Variants in CFAP61 observed in about 807,000 individuals in gnomAD.
The protein encoded by CFAP61 is cilia- and flagella-associated protein 61.
CFAP61 carries 107 observed loss-of-function variants against 135.6 expected under a neutral mutation model. That is an observed-to-expected ratio of 0.79 (90% CI 0.67 to 0.93). The LOEUF (loss-of-function observed/expected upper bound fraction) is 0.93. CFAP61 is among the 40% of genes least tolerant of loss of function. CFAP61 has a pLI of 0.00. For synonymous variants in CFAP61, 575 were observed against 578.5 expected (o/e 0.99, Z 0.09); for missense variants, 1,507 against 1,556.2 (o/e 0.97, Z 0.53).
At chr20:20,134,777 T>C (rs1208789744) in intron 8 of CFAP61, among the ~76,000 whole-genome samples, 1 of 152,122 alleles carries the variant, frequency 6.6e-6, no homozygotes, top group South Asian at 2.1e-4. Context: ...TAAGAGTGAA[T>C]GGATTATTTG....
At chr20:20,350,822 T>G (rs2058809388) in intron 26 of CFAP61, among the ~76,000 whole-genome samples, 1 of 152,180 alleles carries the variant, frequency 6.6e-6, no homozygotes. Flanking sequence ...TGAAGAGAAA[T>G]GAGGTACTGA....
intron 25 of CFAP61, among the ~76,000 whole-genome samples, chr20:20,333,527 C>A (rs897217226): frequency 2.0e-5 from 3 of 152,224 alleles, no homozygotes; most frequent in African/African-American, 7.2e-5. Flanking sequence ...AGTCAACTTG[C>A]ATCCTGAGAA....
At chr20:20,338,321 T>C in intron 25 of CFAP61, among the ~76,000 whole-genome samples, 1 of 152,228 alleles carries the variant, frequency 6.6e-6, no homozygotes, top group East Asian at 1.9e-4. Context: ...GCTGCCTGCC[T>C]GGAGAAAAGT....
intron 20 of CFAP61, among the ~76,000 whole-genome samples, chr20:20,260,232 A>G (rs2052047709): frequency 6.6e-6 from 1 of 152,228 alleles, no homozygotes; most frequent in Non-Finnish European, 1.5e-5. Context: ...TTTACTTTTC[A>G]GGCTGGATAG....
intron 26 of CFAP61, among the ~76,000 whole-genome samples, chr20:20,358,057 AG>A (rs2059323040): frequency 8.4e-6 from 1 of 118,770 alleles, no homozygotes; most frequent in African/African-American, 3.2e-5. Context: ...TCATAGTGTG[AG>A]GGGAGGTGGT....
At chr20:20,191,928 A>G (rs754716535) in intron 15 of CFAP61, among the ~76,000 whole-genome samples, 15 of 151,992 alleles carry the variant, frequency 9.9e-5, no homozygotes, top group Non-Finnish European at 1.0e-4. Flanking sequence ...TTAAGTTTCT[A>G]TATGCCTATG....
At chr20:20,063,366 C>CA (rs929442763) in intron 2 of CFAP61, among the ~76,000 whole-genome samples, 5 of 149,894 alleles carry the variant, frequency 3.3e-5, no homozygotes, top group East Asian at 1.9e-4. Context: ...TGTAAAAATT[C>CA]AAAAAAAAAT....
At chr20:20,057,739 CAGAGGTTT>C (rs1470575242) in intron 2 of CFAP61, among the ~76,000 whole-genome samples, 1 of 152,100 alleles carries the variant, frequency 6.6e-6, no homozygotes, top group East Asian at 1.9e-4. Context: ...ATTTTTGAGA[CAGAGGTTT>C]GCTCTATTGC....
At chr20:20,196,852 T>G in intron 16 of CFAP61, 76 bp downstream of exon 16, 7 of 1,229,460 alleles carry the variant, frequency 5.7e-6, no homozygotes, top group Non-Finnish European at 8.4e-6. Context: ...CCGCATTCTA[T>G]TCATTCCTCT....
intron 13 of CFAP61, among the ~76,000 whole-genome samples, chr20:20,180,417 A>C (rs1601219564): frequency 6.6e-6 from 1 of 152,286 alleles, no homozygotes; most frequent in East Asian, 1.9e-4. Flanking sequence ...TAAGAAAAAA[A>C]GCTCTACCTC....
At chr20:20,291,542 G>A (rs183244717) in intron 24 of CFAP61, among the ~76,000 whole-genome samples, 93 of 152,164 alleles carry the variant, frequency 6.1e-4, no homozygotes, top group East Asian at 1.9e-4. Flanking sequence ...TGGTTGTATC[G>A]GTTTATTTAT....
At chr20:20,248,741 A>G (rs2050657895) in intron 19 of CFAP61, among the ~76,000 whole-genome samples, 2 of 152,150 alleles carry the variant, frequency 1.3e-5, no homozygotes, top group African/African-American at 4.8e-5. Flanking sequence ...GTCTCCACTG[A>G]CTCATCTGTG....
intron 2 of CFAP61, among the ~76,000 whole-genome samples, chr20:20,070,245 G>A (rs932107429): frequency 7.2e-5 from 11 of 152,188 alleles, no homozygotes; most frequent in African/African-American, 2.4e-4. Context: ...CATTTCTGCA[G>A]CTGGGTCAGA....
At chr20:20,183,163 T>C (rs56260634) in intron 13 of CFAP61, among the ~76,000 whole-genome samples, 16 of 55,448 alleles carry the variant, frequency 2.9e-4, no homozygotes, top group Non-Finnish European at 9.9e-5. Flanking sequence ...CTTTTCTTTT[T>C]TTTTTTTTTT....
rs547967391 is a variant in CFAP61, at chr20:20,071,879, G to A, written c.294+875G>A. 3.9e-5 allele frequency among the ~76,000 whole-genome samples: 6 copies of A among 152,008 alleles called. No individual in the cohort carries two copies. In the East Asian group the frequency reaches 5.8e-4, roughly 15 times the overall value. On this transcript the variant is annotated intron_variant, in intron 3 of 26. Transcript: ENST00000245957. ...AAGGACTATTGTCAGAAAAATTATC[G>A]CAAACTTGGAAATAGACCAAAACGA...
At chr20:20,278,550 T>C (rs2053946342) in intron 22 of CFAP61, among the ~76,000 whole-genome samples, 1 of 152,064 alleles carries the variant, frequency 6.6e-6, no homozygotes, top group African/African-American at 2.4e-5. Flanking sequence ...GTGTTAACGG[T>C]TGTGATAAAG....
intron 24 of CFAP61, among the ~76,000 whole-genome samples, chr20:20,295,991 CTCCTTCCTTCCT>C (rs1208157861): frequency 1.1e-5 from 1 of 88,934 alleles, no homozygotes; most frequent in Non-Finnish European, 2.5e-5. Context: ...GCATGCTTCC[CTCCTTCCTTCCT>C]TCCTTCCCTC....
intron 22 of CFAP61, among the ~76,000 whole-genome samples, chr20:20,286,260 G>C (rs1402262634): frequency 6.6e-6 from 1 of 152,232 alleles, no homozygotes; most frequent in African/African-American, 2.4e-5. Context: ...CATCCTGCCT[G>C]ATAGTGGCGC....
At chr20:20,133,176 T>G (rs185036503) in intron 8 of CFAP61, among the ~76,000 whole-genome samples, 172 of 152,346 alleles carry the variant, frequency 1.1e-3, no homozygotes, top group Admixed American at 2.8e-3. Context: ...TTCTTGCAAC[T>G]GCGTCAATAA....
Sources: allele counts gnomAD v4.1 joint callset (sites outside exome capture counted in the v4.1 genomes callset), GRCh38; gene constraint gnomAD v4.1.1; transcripts MANE v1.5; gene names NCBI Gene and HGNC (gene_info 2026-07-23, HGNC 2026-07-21).